The following DAG1 variants were observed in gnomAD, a reference collection of about 807,000 sequenced individuals.
DAG1 encodes the protein dystroglycan 1 (dystrophin-associated glycoprotein 1).
A neutral mutation model predicts 46.1 loss-of-function variants in DAG1; 8 were observed. That is an observed-to-expected ratio of 0.17 (90% CI 0.10 to 0.31). The LOEUF is 0.31. DAG1 is among the 10% of genes least tolerant of loss of function. The pLI, the probability that DAG1 is intolerant of heterozygous loss-of-function variation, is 1.00. For synonymous variants in DAG1, 495 were observed against 481.8 expected (o/e 1.03, Z -0.36); for missense variants, 1,003 against 1,189.9 (o/e 0.84, Z 2.31).
intron 1 of DAG1, among the ~76,000 whole-genome samples, chr3:49,476,195 T>G (rs1000358023): frequency 1.3e-5 from 2 of 152,198 alleles, no homozygotes; most frequent in African/African-American, 4.8e-5. Context: ...ATTTATGTTT[T>G]AAAAGCAGGA....
In DAG1 at chr3:49,489,407, T is replaced by C. The variant is rs1026079988; in HGVS notation, c.-117+18974T>C. On this transcript the variant is annotated intron_variant, in intron 1 of 2. Transcript: ENST00000308775. ...GTGCCTGGCCCTTGAATTACTTTTATTGCATTAAGTCAAAGGGGAGGACCA... is the reference window on the plus strand; with the variant it reads ...GTGCCTGGCCCTTGAATTACTTTTACTGCATTAAGTCAAAGGGGAGGACCA... Among the ~76,000 whole-genome samples the C allele has an allele frequency of 3.3e-5, 5 of 152,126 alleles. No individual in the cohort carries two copies. The East Asian group carries it at 9.6e-4, about 29-fold the overall frequency.
intron 1 of DAG1, among the ~76,000 whole-genome samples, chr3:49,483,241 T>A (rs1030122400): frequency 4.0e-5 from 6 of 151,510 alleles, no homozygotes; most frequent in Non-Finnish European, 7.4e-5. Context: ...TTTAGTCTTG[T>A]TGCCCAGGCT....
At chr3:49,472,461 G>A (rs764230180) in intron 1 of DAG1, among the ~76,000 whole-genome samples, 42 of 152,140 alleles carry the variant, frequency 2.8e-4, no homozygotes, top group Non-Finnish European at 5.1e-4. Context: ...ACCACTTAGG[G>A]ACCACTTAGA....
chr3:49,510,400 GCTTTT>G lies in DAG1; in HGVS notation c.-116-13_-116-9del, dbSNP rs1265402409. The stretch of plus-strand genomic sequence containing the variant: ...ACTGGAATTGCTCAAGTCTAAACCT[GCTTTT>G]CTTTTTTTTTCAGGCTCTGTGTGCT... On this transcript the variant is annotated splice_polypyrimidine_tract_variant and intron_variant, in intron 1 of 2. Transcript: ENST00000308775. 1 of 895,072 alleles carries G rather than the reference GCTTTT, an allele frequency of 1.1e-6. No homozygotes were observed. Among genetic ancestry groups the G allele is most frequent in the East Asian group, 2.4e-5 (1 of 41,476 alleles). The allele number at this position is 895,072 out of a possible 1,614,324, so 55.4% of individuals were successfully genotyped here. A position where few individuals can be genotyped will look rare whatever the true frequency, so the allele number is the denominator to read the frequency against.
At position 49,472,339 on chromosome 3, in the gene DAG1, G is replaced by A. The variant is rs571856007; in HGVS notation, c.-117+1906G>A. On this transcript the variant is annotated intron_variant, in intron 1 of 2. Transcript: ENST00000308775. ...AGGAGCTACATTCTGGAATGCATGGGCCAGAAGACCAAGCATAACCAAGGA... is the reference window on the plus strand; with the variant it reads ...AGGAGCTACATTCTGGAATGCATGGACCAGAAGACCAAGCATAACCAAGGA... Among the ~76,000 whole-genome samples, 3 of 152,108 alleles carry A rather than the reference G, an allele frequency of 2.0e-5. No individual in the cohort carries two copies. In the East Asian group the frequency reaches 5.8e-4, roughly 29 times the overall value.
chr3:49,531,313 C>G lies in DAG1; in HGVS notation c.802C>G (p.Gln268Glu). 1 of 1,614,176 alleles carries G rather than the reference C, an allele frequency of 6.2e-7. No homozygotes were observed. Among genetic ancestry groups the G allele is most frequent in the East Asian group, 2.2e-5 (1 of 44,888 alleles). The stretch of plus-strand genomic sequence containing the variant: ...CTGGAAGCTGGGCTGCTCCCTGAAC[C>G]AGAACAGTGTGCCTGACATTCATGG... ...LSWKLGCSLN[Q>E]NSVPDIHGVE... The change falls in exon 3 of 3, where the codon CAG becomes GAG. Residue 268 changes from glutamine (Q) to glutamate (E), a missense_variant. Physicochemically the swap from Gln to Glu is conservative, Grantham distance 29. Transcript: ENST00000308775. This position sits in a 1 kb window ranked among gnomAD's most constrained non-coding sequence, Gnocchi z 7.0.
intron 1 of DAG1, among the ~76,000 whole-genome samples, chr3:49,508,100 T>C (rs941295172): frequency 2.6e-5 from 4 of 151,906 alleles, no homozygotes; most frequent in South Asian, 2.1e-4. Context: ...TAACTAGTTA[T>C]TTGTTTCAAT....
At chr3:49,500,087 GT>G (rs2050406506) in intron 1 of DAG1, among the ~76,000 whole-genome samples, 1 of 12,426 alleles carries the variant, frequency 8.0e-5, no homozygotes, top group African/African-American at 1.9e-4. Context: ...CAATTTTCCT[GT>G]CTCAGCCTCC....
intron 1 of DAG1, among the ~76,000 whole-genome samples, chr3:49,490,880 CTTTTTTTTTTTTTT>C (rs972440561): frequency 2.3e-5 from 2 of 87,854 alleles, no homozygotes; most frequent in African/African-American, 9.5e-5. Flanking sequence ...CTCCTAAATT[CTTTTTTTTTTTTTT>C]TTTTTTTTTG....
intron 1 of DAG1, among the ~76,000 whole-genome samples, chr3:49,482,953 C>T (rs895599663): frequency 1.3e-5 from 2 of 152,126 alleles, no homozygotes; most frequent in African/African-American, 2.4e-5. Context: ...TTGTCATAAA[C>T]ACCTCTGTTA....
intron 1 of DAG1, among the ~76,000 whole-genome samples, chr3:49,482,207 C>G (rs2049904384): frequency 6.6e-6 from 1 of 152,112 alleles, no homozygotes; most frequent in African/African-American, 2.4e-5. Context: ...TTGCGGAAAA[C>G]CACAGGGACC....
intron 2 of DAG1, among the ~76,000 whole-genome samples, chr3:49,517,682 T>A (rs1559568902): frequency 6.6e-6 from 1 of 152,216 alleles, no homozygotes; most frequent in Non-Finnish European, 1.5e-5. Flanking sequence ...GTTTGGAAGA[T>A]CAGGGCCAAC....
intron 1 of DAG1, among the ~76,000 whole-genome samples, chr3:49,496,491 G>A (rs1328388775): frequency 2.6e-5 from 4 of 151,490 alleles, no homozygotes; most frequent in Non-Finnish European, 4.4e-5. Context: ...CTGAGTAGCT[G>A]GGATTACAGG....
chr3:49,490,161 G>C (rs2050144165), intron 1 of DAG1, among the ~76,000 whole-genome samples: 1 of 152,016 alleles, frequency 6.6e-6, no homozygotes, highest in African/African-American at 2.4e-5. Flanking sequence ...AGACTATCCT[G>C]GCTAACACGG....
chr3:49,532,804 C>A lies in DAG1; in HGVS notation c.2293C>A (p.Leu765Ile), dbSNP rs905804433. 4 of 1,614,068 alleles carry A rather than the reference C, an allele frequency of 2.5e-6. No homozygotes were observed. The highest frequency in any genetic ancestry group is 3.4e-6 in the Non-Finnish European group (4 of 1,180,022). ...GGCCGTGGTGGTCGCAGCCATCCTG[C>A]TCATTGCTGGCATCATTGCCATGAT... ...IPAVVVAAIL[L>I]IAGIIAMICY... Residue 765 changes from leucine to isoleucine, a missense_variant, in exon 3 of 3, where the codon CTC becomes ATC. Transcript: ENST00000308775. The surrounding 1 kb of genome is among the most constrained non-coding windows in gnomAD (Gnocchi z 5.4).
intron 1 of DAG1, among the ~76,000 whole-genome samples, chr3:49,489,172 C>T (rs185235973): frequency 1.7e-4 from 26 of 151,890 alleles, no homozygotes; most frequent in East Asian, 1.4e-3. Flanking sequence ...CTTGGCTCAC[C>T]GCAACCTCTG....
intron 1 of DAG1, among the ~76,000 whole-genome samples, chr3:49,493,372 A>G (rs1448008234): frequency 6.6e-6 from 1 of 152,138 alleles, no homozygotes; most frequent in African/African-American, 2.4e-5. Context: ...CTTGGGTTCT[A>G]AAATGCAAGA....
intron 2 of DAG1, among the ~76,000 whole-genome samples, chr3:49,521,457 G>A (rs945198234): frequency 3.3e-5 from 5 of 152,188 alleles, no homozygotes; most frequent in Admixed American, 6.5e-5. Flanking sequence ...GAGCCACTGC[G>A]CCCGGCCGTC....
chr3:49,487,506 T>G (rs2050067269), intron 1 of DAG1: 1 of 152,162 alleles, frequency 6.6e-6, no homozygotes, highest in Non-Finnish European at 1.5e-5. Context: ...ACTCTCTAGC[T>G]TCCCTCTTCT....
Sources: gnomAD v4.1 joint callset for allele counts (sites outside exome capture counted in the v4.1 genomes callset) on GRCh38, gnomAD v4.1.1 for gene constraint, Gnocchi (gnomAD v3.1) non-coding constraint, MANE v1.5 for transcripts, NCBI Gene and HGNC (gene_info 2026-07-23, HGNC 2026-07-21) for gene names.